POLD1: variants seen among roughly 807,000 people sequenced by gnomAD.
The protein encoded by POLD1 is DNA polymerase delta catalytic subunit.
In POLD1, 79 loss-of-function variants were observed where a neutral mutation model predicts 129.7. That is an observed-to-expected ratio of 0.61 (90% CI 0.51 to 0.73). The LOEUF is 0.73. POLD1 is among the 30% of genes least tolerant of loss of function. The probability of loss-of-function intolerance (pLI) is 0.00; values close to 1 mark genes in which losing one functional copy is unlikely to be tolerated. For synonymous variants in POLD1, 714 were observed against 683.3 expected, an observed-to-expected ratio of 1.04 and a Z score of -0.70; for missense variants, 1,338 against 1,595.8, an observed-to-expected ratio of 0.84 and a Z score of 2.75.
chr19:50,388,691 CATGA>C (rs2038049661), intron 1 of POLD1, among the ~76,000 whole-genome samples: 1 of 150,916 alleles, frequency 6.6e-6, no homozygotes, highest in Non-Finnish European at 1.5e-5. Context: ...TGGCTGTTGG[CATGA>C]CACCTCATTT....
At position 50,415,800 on chromosome 19, in the gene POLD1, G is replaced by C. The variant is rs761355038; in HGVS notation, c.2794G>C (p.Gly932Arg). ...VPYVIISAAK[G>R]VAAYMKSEDP... Reference sequence around the variant, plus strand: ...CTACGTGATCATCAGTGCCGCCAAGGGTGTGGCCGCCTACATGAAGTCGGA... The same window carrying C: ...CTACGTGATCATCAGTGCCGCCAAGCGTGTGGCCGCCTACATGAAGTCGGA... Residue 932 changes from glycine to arginine, a missense_variant, in exon 22 of 27, where the codon GGT becomes CGT. Gly to Arg is a moderately radical substitution (Grantham distance 125). Around this residue, in one of 3 missense-constraint regions of POLD1, gnomAD observed 286 missense variants for 277.5 expected, o/e 1.03. Coordinates refer to ENST00000440232, the MANE Select transcript of POLD1 (RefSeq NM_002691.4). The C allele has an allele frequency of 1.9e-5, 30 of 1,552,136 alleles. No homozygotes were observed. Among genetic ancestry groups the C allele is most frequent in the Non-Finnish European group, 2.4e-5 (28 of 1,150,534 alleles).
chr19:50,416,730 G>C lies in POLD1; in HGVS notation c.3067+7G>C. 1 of 1,521,572 alleles carries C rather than the reference G, an allele frequency of 6.6e-7. No individual in the cohort carries two copies. Among genetic ancestry groups the C allele is most frequent in the African/African-American group, 1.4e-5 (1 of 72,768 alleles). The allele number at this position is 1,521,572 out of a possible 1,614,324, so 94.3% of individuals were successfully genotyped here. A position where few individuals can be genotyped will look rare whatever the true frequency, so the allele number is the denominator to read the frequency against. ...ACAGTGCTCAGCCACCAGGGTGAGC[G>C]GCCCTGGCCACTGGGCCCCCACTGG... On this transcript the variant is annotated splice_region_variant and intron_variant, in intron 24 of 26. Transcript: ENST00000440232.
rs1568620331 is a variant in POLD1 at position 50,402,336 on chromosome 19, T to G, written c.721T>G (p.Phe241Val). 1.9e-6 allele frequency: 3 copies of G among 1,611,188 alleles called. No individual in the cohort carries two copies. Among genetic ancestry groups the G allele is most frequent in the Non-Finnish European group, 2.5e-6 (3 of 1,178,028 alleles). Residue 241 changes from phenylalanine to valine, a missense_variant, in exon 6 of 27, where the codon TTC (phenylalanine) becomes GTC (valine). Coordinates refer to ENST00000440232, the MANE Select transcript of POLD1 (RefSeq NM_002691.4). ...TGTGGCAGGCCTGGGCACGCCCAGC[T>G]TCGCGCCCTACGAGGCCAACGTCGA... Reference protein sequence around the residue: ...IRVAGLGTPSFAPYEANVDFE... With the variant: ...IRVAGLGTPSVAPYEANVDFE...
rs1568631336 is a variant in POLD1, at chr19:50,409,533, T to C, written c.2021T>C (p.Leu674Pro). ...TTCCCTCGCAGGGCCAAGGCCGAGC[T>C]GGCCAAGGAGACAGACCCCCTCCGG... ...LSARKRAKAELAKETDPLRRQ... is the reference protein window; with the variant it reads ...LSARKRAKAEPAKETDPLRRQ... The change falls in exon 17 of 27, where the codon CTG (leucine) becomes CCG (proline). Residue 674 changes from leucine (L) to proline (P), a missense_variant. By Grantham distance (98) the Leu-to-Pro change is moderately conservative. This residue lies in a region of POLD1 where 720 missense variants were observed against 1,002.6 expected (regional missense o/e 0.72). Transcript: ENST00000440232. This position sits in a 1 kb window ranked among gnomAD's most constrained non-coding sequence, Gnocchi z 5.8. 6.2e-7 allele frequency: 1 copy of C among 1,613,556 alleles called. No individual in the cohort carries two copies. The highest frequency in any genetic ancestry group is 8.5e-7 in the Non-Finnish European group (1 of 1,180,038).
In POLD1 at chr19:50,401,916, C is replaced by G. The variant is rs41563714; in HGVS notation, c.455C>G (p.Ala152Gly). Residue 152 changes from alanine (A) to glycine (G), a missense_variant, in exon 4 of 27, where the codon GCG (alanine) becomes GGG (glycine). Around this residue, in one of 3 missense-constraint regions of POLD1, gnomAD observed 332 missense variants for 315.7 expected, o/e 1.05. Coordinates refer to ENST00000440232, the MANE Select transcript of POLD1 (RefSeq NM_002691.4). ...TTCGCTCCCTACTTCTACACCCCAG[C>G]GCCCCCTGGTGAGTGGCCCCTACCC... ...HGFAPYFYTP[A>G]PPGFGPEHMG... The G allele has an allele frequency of 6.2e-7, 1 of 1,614,070 alleles. No individual in the cohort carries two copies. Among genetic ancestry groups the G allele is most frequent in the Non-Finnish European group, 8.5e-7 (1 of 1,179,970 alleles).
In POLD1 at chr19:50,399,469, A is replaced by G; in HGVS notation, c.301A>G (p.Ile101Val). ...GCCCCTCATCTTCCAACAGTTGGAG[A>G]TTGACCATTATGTGGGTGAGTTTAG... ...TEPLIFQQLE[I>V]DHYVGPAQPV... Residue 101 changes from isoleucine to valine, a missense_variant, in exon 3 of 27, where the codon ATT becomes GTT. This residue lies in a region of POLD1 where 332 missense variants were observed against 315.7 expected (regional missense o/e 1.05). Coordinates refer to ENST00000440232, the MANE Select transcript of POLD1 (RefSeq NM_002691.4). 1 of 1,612,266 alleles carries G rather than the reference A, an allele frequency of 6.2e-7. No individual in the cohort carries two copies. The highest frequency in any genetic ancestry group is 8.5e-7 in the Non-Finnish European group (1 of 1,178,384).
chr19:50,417,672 C>T (rs3219453), intron 26 of POLD1, among the ~76,000 whole-genome samples, 170 bp from the exon 27 acceptor site: 4 of 34,776 alleles, frequency 1.2e-4, no homozygotes, highest in East Asian at 3.7e-4. Context: ...GTTATCGGCT[C>T]CCCCCCCCCA....
At chr19:50,402,170 G>A (rs2038669621) in intron 5 of POLD1, 35 bp from the exon 6 acceptor site, 2 of 1,589,750 alleles carry the variant, frequency 1.3e-6, no homozygotes, top group Non-Finnish European at 1.7e-6. Flanking sequence ...CCCCTCGGGA[G>A]GCCATTGGCT....
chr19:50,398,929 T>C lies in POLD1; in HGVS notation c.78T>C (p.Asp26=), dbSNP rs2122195388. The change falls in exon 2 of 27, where the codon GAT becomes GAC. Residue 26 remains aspartate (D), a synonymous_variant. Coordinates refer to ENST00000440232, the MANE Select transcript of POLD1 (RefSeq NM_002691.4). ...KRARGGLWDD[D]DAPRPSQFEE... ...CCCGTGGGGGCCTCTGGGATGATGA[T>C]GATGCACCTCGGCCATCCCAATTCG... 1 of 1,596,716 alleles carries C rather than the reference T, an allele frequency of 6.3e-7. No homozygotes were observed. The highest frequency in any genetic ancestry group is 2.3e-5 in the East Asian group (1 of 44,370).
intron 8 of POLD1, 41 bp downstream of exon 8, chr19:50,402,782 T>G (rs2122262772): frequency 6.4e-7 from 1 of 1,553,918 alleles, no homozygotes; most frequent in Non-Finnish European, 8.7e-7. Flanking sequence ...CTCATTGATG[T>G]GCCAAGTCGG....
rs781158417 is a variant in POLD1, at chr19:50,409,116, AC to A, written c.1893-3del. The A allele has an allele frequency of 6.2e-7, 1 of 1,600,778 alleles. No individual in the cohort carries two copies. The highest frequency in any genetic ancestry group is 1.1e-5 in the South Asian group (1 of 90,782). Reference sequence around the variant, plus strand: ...CCGGCAGTCACCCCAACATCTTCCAACCCAGCCTGACTGAGGATCAGTTCAT... The same window carrying A: ...CCGGCAGTCACCCCAACATCTTCCAACCAGCCTGACTGAGGATCAGTTCAT... On this transcript the variant is annotated splice_polypyrimidine_tract_variant and splice_region_variant and intron_variant, in intron 15 of 26. Coordinates refer to ENST00000440232, the MANE Select transcript of POLD1 (RefSeq NM_002691.4). The surrounding 1 kb of genome is among the most constrained non-coding windows in gnomAD (Gnocchi z 5.8).
intron 24 of POLD1, 72 bp from the exon 25 acceptor site, chr19:50,416,973 G>T: frequency 6.9e-7 from 1 of 1,440,298 alleles, no homozygotes. Flanking sequence ...GCTGGGATTG[G>T]CAGTGGGCAG....
rs899836276 is a variant in POLD1, at chr19:50,408,985, A to G, written c.1892+84A>G. On this transcript the variant is annotated intron_variant, in intron 15 of 26. Coordinates refer to ENST00000440232, the MANE Select transcript of POLD1 (RefSeq NM_002691.4). Reference sequence around the variant, plus strand: ...GCTCAGTCTGGTGGGGGGCATAGGCACAGGCCCAGAGATAGTAGGGAGTGG... The same window carrying G: ...GCTCAGTCTGGTGGGGGGCATAGGCGCAGGCCCAGAGATAGTAGGGAGTGG... The G allele has an allele frequency of 5.6e-6, 8 of 1,429,912 alleles. No individual in the cohort carries two copies. The African/African-American group carries it at 9.8e-5, about 18-fold the overall frequency. 88.6% of individuals were successfully genotyped at this position (1,429,912 alleles called of 1,614,324 possible). A position where few individuals can be genotyped will look rare whatever the true frequency, so the allele number is the denominator to read the frequency against.
intron 1 of POLD1, among the ~76,000 whole-genome samples, chr19:50,396,518 C>G (rs3219357): frequency 1.3e-5 from 2 of 151,512 alleles, no homozygotes; most frequent in Non-Finnish European, 2.9e-5. Context: ...CGCTCTGTTG[C>G]CCAGGCTGGA....
At position 50,416,657 on chromosome 19, in the gene POLD1, G is replaced by A. The variant is rs550922227; in HGVS notation, c.3001G>A (p.Gly1001Ser). 21 of 1,562,828 alleles carry A rather than the reference G, an allele frequency of 1.3e-5. No homozygotes were observed. In the South Asian group the frequency reaches 1.5e-4, roughly 11 times the overall value. Reference sequence around the variant, plus strand: ...GACGGTGCTCACGGGCAAGGTGGGCGGCCTCCTGGCCTTCGCCAAACGCCG... The same window carrying A: ...GACGGTGCTCACGGGCAAGGTGGGCAGCCTCCTGGCCTTCGCCAAACGCCG... Reference protein sequence around the residue: ...CKTVLTGKVGGLLAFAKRRNC... With the variant: ...CKTVLTGKVGSLLAFAKRRNC... Residue 1001 changes from glycine to serine, a missense_variant, in exon 24 of 27, where the codon GGC (glycine) becomes AGC (serine). Physicochemically the swap from Gly to Ser is moderately conservative, Grantham distance 56. Coordinates refer to ENST00000440232, the MANE Select transcript of POLD1 (RefSeq NM_002691.4).
At chr19:50,404,948 G>A (rs1437751850) in intron 10 of POLD1, among the ~76,000 whole-genome samples, 1 of 152,052 alleles carries the variant, frequency 6.6e-6, no homozygotes, top group Non-Finnish European at 1.5e-5. Flanking sequence ...TGTATTTTTA[G>A]TAGACAGGGT....
intron 1 of POLD1, among the ~76,000 whole-genome samples, chr19:50,386,379 C>T (rs2037972681): frequency 6.6e-6 from 1 of 152,022 alleles, no homozygotes; most frequent in South Asian, 2.1e-4. Flanking sequence ...CTCAAGTAAT[C>T]CTCCCACCTC....
rs779675467 is a variant in POLD1, at chr19:50,414,896, A to G, written c.2470A>G (p.Met824Val). Reference protein sequence around the residue: ...FSSRPDAHDRMDCKGLEAVRR... With the variant: ...FSSRPDAHDRVDCKGLEAVRR... ...CTCCCGGCCCGACGCCCACGACCGC[A>G]TGGACTGCAAGGGCCTGGAGGCCGT... The change falls in exon 20 of 27, where the codon ATG becomes GTG. Residue 824 changes from methionine to valine, a missense_variant. Transcript: ENST00000440232. 26 of 1,609,422 alleles carry G rather than the reference A, an allele frequency of 1.6e-5. No individual in the cohort carries two copies. The highest frequency in any genetic ancestry group is 9.4e-5 in the African/African-American group (7 of 74,800).
intron 9 of POLD1, 126 bp from the exon 10 acceptor site, chr19:50,403,367 C>A: frequency 9.0e-7 from 1 of 1,106,848 alleles, no homozygotes; most frequent in Non-Finnish European, 1.4e-6. Context: ...TGCAATTAGG[C>A]TTGAGCACTT....
Sources: gnomAD v4.1 joint callset for allele counts (sites outside exome capture counted in the v4.1 genomes callset) on GRCh38, gnomAD v4.1.1 for gene constraint, gnomAD v4.1.1 regional missense constraint, Gnocchi (gnomAD v3.1) non-coding constraint, MANE v1.5 for transcripts, NCBI Gene and HGNC (gene_info 2026-07-23, HGNC 2026-07-21) for gene names.